ZNF793: variants seen among roughly 807,000 people sequenced by gnomAD.
The protein encoded by ZNF793 is zinc finger protein 793.
In ZNF793, 5 loss-of-function variants were observed where a neutral mutation model predicts 12.4. That is an observed-to-expected ratio of 0.40 (90% CI 0.21 to 0.84). ZNF793 has a LOEUF of 0.84. Among genes scored for constraint, ZNF793 ranks in the 40% least tolerant of loss-of-function variants. ZNF793 has a pLI of 0.35. For synonymous variants in ZNF793, 162 were observed against 172.4 expected (o/e 0.94, Z 0.47); for missense variants, 456 against 495.0 (o/e 0.92, Z 0.75).
intron 5 of ZNF793, 32 bp downstream of exon 5, chr19:37,523,486 T>C (rs1368555691): frequency 3.7e-6 from 6 of 1,608,076 alleles, no homozygotes; most frequent in Non-Finnish European, 4.3e-6. Context: ...CCAGTTTTCC[T>C]TCCTGGGGAA....
rs757827165 is a variant in ZNF793, at chr19:37,536,724, C to G, written c.239-173C>G. 7.0e-4 allele frequency: 452 copies of G among 648,078 alleles called. 1 individual carries two copies. The highest frequency in any genetic ancestry group is 1.0e-3 in the Non-Finnish European group (386 of 387,204). The allele number at this position is 648,078 out of a possible 1,614,324, so 40.1% of individuals were successfully genotyped here. A position where few individuals can be genotyped will look rare whatever the true frequency, so the allele number is the denominator to read the frequency against. On this transcript the variant is annotated intron_variant, in intron 7 of 7. Coordinates refer to ENST00000627814, the MANE Select transcript of ZNF793 (RefSeq NM_001013659.3). ...TCTATACTCTATGATATATTGAATT[C>G]CATTTGTGCCAGTGTTCAGAATCCT...
chr19:37,539,372 T>C lies in ZNF793; in HGVS notation c.*1493T>C, dbSNP rs2042536812. On this transcript the variant is annotated 3_prime_UTR_variant, in exon 8 of 8. Transcript: ENST00000627814. Reference sequence around the variant, plus strand: ...CAGAAATGTTTCATGCGTAGACCACTGAAGGAGAATTTCTTTTCTCTCTAT... The same window carrying C: ...CAGAAATGTTTCATGCGTAGACCACCGAAGGAGAATTTCTTTTCTCTCTAT... The C allele has an allele frequency of 6.6e-6, 1 of 152,222 alleles. No homozygotes were observed. The highest frequency in any genetic ancestry group is 2.1e-4 in the South Asian group (1 of 4,832). 9.4% of individuals were successfully genotyped at this position (152,222 alleles called of 1,614,324 possible). A position where few individuals can be genotyped will look rare whatever the true frequency, so the allele number is the denominator to read the frequency against.
intron 5 of ZNF793, among the ~76,000 whole-genome samples, chr19:37,529,922 A>AC (rs1484998215): frequency 6.6e-6 from 1 of 151,984 alleles, no homozygotes; most frequent in Non-Finnish European, 1.5e-5. Context: ...GGCCCAGGGT[A>AC]CCAGTGTTCA....
rs2042551825 is a variant in ZNF793, at chr19:37,541,510, C to T, written c.*3631C>T. 6.6e-6 allele frequency: 1 copy of T among 152,174 alleles called. No individual in the cohort carries two copies. Among genetic ancestry groups the T allele is most frequent in the Non-Finnish European group, 1.5e-5 (1 of 68,082 alleles). The allele number at this position is 152,174 out of a possible 1,614,324, so 9.4% of individuals were successfully genotyped here. A position where few individuals can be genotyped will look rare whatever the true frequency, so the allele number is the denominator to read the frequency against. On this transcript the variant is annotated 3_prime_UTR_variant, in exon 8 of 8. Transcript: ENST00000627814. ...TCTGGTCAACATGGTGAAACCCCAT[C>T]TCCACTAAAAATACAAAAATTAGCT...
At chr19:37,536,141 C>A (rs956005887) in intron 7 of ZNF793, 2 of 263,786 alleles carry the variant, frequency 7.6e-6, no homozygotes, top group Admixed American at 1.1e-4. Context: ...GTTAAGAACT[C>A]TTGCTTAAGT....
At chr19:37,532,525 A>G in intron 6 of ZNF793, 43 bp downstream of exon 6, 1 of 1,517,246 alleles carries the variant, frequency 6.6e-7, no homozygotes, top group Non-Finnish European at 8.8e-7. Context: ...TGTTCGAATG[A>G]CCACCTTTCC....
At chr19:37,515,945 C>A (rs2042328595) in intron 2 of ZNF793, among the ~76,000 whole-genome samples, 1 of 150,562 alleles carries the variant, frequency 6.6e-6, no homozygotes, top group Admixed American at 7.0e-5. Context: ...GAAGATGAAA[C>A]ATTTGAGAAT....
intron 2 of ZNF793, among the ~76,000 whole-genome samples, chr19:37,514,770 G>T (rs2042318558): frequency 6.6e-6 from 1 of 151,946 alleles, no homozygotes; most frequent in Non-Finnish European, 1.5e-5. Context: ...TGTAAAATTA[G>T]CAATATGTTA....
rs1212076606 is a variant in ZNF793, at chr19:37,539,108, T to A, written c.*1229T>A. On this transcript the variant is annotated 3_prime_UTR_variant, in exon 8 of 8. Transcript: ENST00000627814. ...GTGTTTTTAAATGTATTTGGATAAT[T>A]TGGCCAAAAATTTTACTAAAATGTA... is the stretch of plus-strand genomic sequence containing the variant. The A allele has an allele frequency of 6.6e-6, 1 of 152,192 alleles. No individual in the cohort carries two copies. Among genetic ancestry groups the A allele is most frequent in the Admixed American group, 6.5e-5 (1 of 15,280 alleles). The allele number at this position is 152,192 out of a possible 1,614,324, so 9.4% of individuals were successfully genotyped here.
intron 2 of ZNF793, among the ~76,000 whole-genome samples, chr19:37,514,772 A>T (rs1471553649): frequency 6.6e-6 from 1 of 152,200 alleles, no homozygotes; most frequent in Non-Finnish European, 1.5e-5. Flanking sequence ...TAAAATTAGC[A>T]ATATGTTAAA....
At position 37,537,637 on chromosome 19, in the gene ZNF793, A is replaced by G. The variant is rs1171289689; in HGVS notation, c.979A>G (p.Asn327Asp). The G allele has an allele frequency of 3.7e-6, 6 of 1,614,008 alleles. No individual in the cohort carries two copies. In the South Asian group the frequency reaches 6.6e-5, roughly 18 times the overall value. The change falls in exon 8 of 8, where the codon AAT becomes GAT. Residue 327 changes from asparagine to aspartate, a missense_variant. Coordinates refer to ENST00000627814, the MANE Select transcript of ZNF793 (RefSeq NM_001013659.3). ...GKSFGEKSYL[N>D]VHRKMHTGER... ...ATCGTTTGGTGAGAAGTCATACCTC[A>G]ATGTACATCGAAAAATGCACACAGG...
At chr19:37,533,598 C>T (rs549894135) in intron 7 of ZNF793, 195 bp downstream of exon 7, 3 of 569,342 alleles carry the variant, frequency 5.3e-6, no homozygotes, top group East Asian at 2.9e-5. Flanking sequence ...CACCTCTGCC[C>T]TTATGTGCTT....
At position 37,538,172 on chromosome 19, in the gene ZNF793, C is replaced by T. The variant is rs190314145; in HGVS notation, c.*293C>T. ...CCTTGTGATCTGCCCGCCTTGTCCT[C>T]CCAAAGTGCTGGGATTACAGGCGTG... On this transcript the variant is annotated 3_prime_UTR_variant, in exon 8 of 8. Coordinates refer to ENST00000627814, the MANE Select transcript of ZNF793 (RefSeq NM_001013659.3). 684 of 280,766 alleles carry T rather than the reference C, an allele frequency of 2.4e-3. No homozygotes were observed. Among genetic ancestry groups the T allele is most frequent in the Non-Finnish European group, 4.0e-3 (594 of 149,458 alleles). The allele number at this position is 280,766 out of a possible 1,614,324, so 17.4% of individuals were successfully genotyped here. A position where few individuals can be genotyped will look rare whatever the true frequency, so the allele number is the denominator to read the frequency against.
At chr19:37,529,115 G>A (rs1471323509) in intron 5 of ZNF793, among the ~76,000 whole-genome samples, 2 of 152,058 alleles carry the variant, frequency 1.3e-5, no homozygotes, top group Non-Finnish European at 2.9e-5. Flanking sequence ...AACCAGTTAA[G>A]GTGCAGGTTC....
chr19:37,533,394 C>T lies in ZNF793; in HGVS notation c.229C>T (p.His77Tyr). 6.2e-7 allele frequency: 1 copy of T among 1,613,898 alleles called. No individual in the cohort carries two copies. Among genetic ancestry groups the T allele is most frequent in the Non-Finnish European group, 8.5e-7 (1 of 1,179,828 alleles). The part of the protein sequence containing the change: ...WIGEAACPGC[H>Y]CWEDIWRVNI... Reference sequence around the variant, plus strand: ...TGGTGAGGCAGCATGCCCGGGCTGCCACTGTTGGGGTAAGTGTGATAAATC... The same window carrying T: ...TGGTGAGGCAGCATGCCCGGGCTGCTACTGTTGGGGTAAGTGTGATAAATC... Residue 77 changes from histidine to tyrosine, a missense_variant, in exon 7 of 8, where the codon CAC (histidine) becomes TAC (tyrosine). Transcript: ENST00000627814.
chr19:37,509,773 T>A (rs2042278835), intron 2 of ZNF793, among the ~76,000 whole-genome samples: 1 of 152,170 alleles, frequency 6.6e-6, no homozygotes, highest in African/African-American at 2.4e-5. Flanking sequence ...TGTATATAAA[T>A]ATGTAGCTCA....
At chr19:37,529,855 G>A (rs1248563699) in intron 5 of ZNF793, among the ~76,000 whole-genome samples, 2 of 152,074 alleles carry the variant, frequency 1.3e-5, no homozygotes, top group Non-Finnish European at 2.9e-5. Context: ...TTTTCGTTAG[G>A]TGGAACGAGA....
chr19:37,530,060 C>G (rs566866985), intron 5 of ZNF793, among the ~76,000 whole-genome samples: 199 of 151,884 alleles, frequency 1.3e-3, no homozygotes, highest in African/African-American at 4.6e-3. Context: ...CAGATAAACA[C>G]GTGAACAAAG....
chr19:37,510,369 G>A (rs2042283991), intron 2 of ZNF793, among the ~76,000 whole-genome samples: 1 of 151,220 alleles, frequency 6.6e-6, no homozygotes, highest in Non-Finnish European at 1.5e-5. Context: ...AAAAAAATTA[G>A]CTGGGCTTGG....
Sources: gnomAD v4.1 joint callset for allele counts (sites outside exome capture counted in the v4.1 genomes callset) on GRCh38, gnomAD v4.1.1 for gene constraint, MANE v1.5 for transcripts, NCBI Gene and HGNC (gene_info 2026-07-23, HGNC 2026-07-21) for gene names.